Variants in C1orf21 observed in about 807,000 individuals in gnomAD.
The protein encoded by C1orf21 is uncharacterized protein C1orf21.
C1orf21 carries 3 observed loss-of-function variants against 18.7 expected under a neutral mutation model. The ratio of observed to expected loss-of-function variants is 0.16; its 90% CI spans 0.07 to 0.42. The LOEUF (loss-of-function observed/expected upper bound fraction) is 0.42, where lower values mean the gene tolerates loss of function less well. Among genes scored for constraint, C1orf21 ranks in the 10% least tolerant of loss-of-function variants. The pLI is 0.99. For synonymous variants in C1orf21, 41 were observed against 46.4 expected (o/e 0.88, Z 0.47); for missense variants, 104 against 143.6 (o/e 0.72, Z 1.41).
At chr1:184,527,965 A>G (rs780534749) in intron 3 of C1orf21, among the ~76,000 whole-genome samples, 35 of 152,212 alleles carry the variant, frequency 2.3e-4, no homozygotes, top group Non-Finnish European at 4.1e-4. Context: ...TGCTGTTGTC[A>G]CCCCATATTC....
At chr1:184,412,222 A>G (rs1656366216) in intron 1 of C1orf21, 1 of 152,156 alleles carries the variant, frequency 6.6e-6, no homozygotes, top group Admixed American at 6.5e-5. Context: ...TTACCACCCC[A>G]CTGTTAAGGT....
chr1:184,569,395 C>G (rs1659079223), intron 3 of C1orf21, among the ~76,000 whole-genome samples: 1 of 152,166 alleles, frequency 6.6e-6, no homozygotes, highest in Non-Finnish European at 1.5e-5. Flanking sequence ...GGTTGAAAGT[C>G]CTTTTGTATA....
intron 3 of C1orf21, among the ~76,000 whole-genome samples, chr1:184,515,112 T>C (rs1448438920): frequency 6.6e-6 from 1 of 152,230 alleles, no homozygotes; most frequent in African/African-American, 2.4e-5. Context: ...TATAACCTCT[T>C]TGAACACCTC....
chr1:184,610,605 G>C (rs987742797), intron 5 of C1orf21, among the ~76,000 whole-genome samples: 8 of 152,132 alleles, frequency 5.3e-5, no homozygotes, highest in Non-Finnish European at 1.0e-4. Context: ...CCAGCACTTT[G>C]GGAGGCCGAG....
intron 1 of C1orf21, among the ~76,000 whole-genome samples, chr1:184,432,447 C>T: frequency 6.6e-6 from 1 of 152,054 alleles, no homozygotes; most frequent in Non-Finnish European, 1.5e-5. Context: ...CATGTTCTCA[C>T]TCGTAAGTAG....
chr1:184,460,006 CTT>C (rs976175633), intron 1 of C1orf21, among the ~76,000 whole-genome samples: 8 of 152,326 alleles, frequency 5.3e-5, no homozygotes, highest in Non-Finnish European at 1.2e-4. Context: ...CTCTCCAGCT[CTT>C]GTTCTTCAGG....
intron 2 of C1orf21, among the ~76,000 whole-genome samples, chr1:184,501,483 A>G (rs981775277): frequency 4.6e-5 from 7 of 152,026 alleles, no homozygotes; most frequent in South Asian, 4.2e-4. Flanking sequence ...TCTTCTTTCT[A>G]TTCTTATAAC....
In C1orf21 at chr1:184,628,195, G is replaced by A. The variant is rs957699176; in HGVS notation, c.*8639G>A. The A allele has an allele frequency of 4.6e-5, 7 of 152,220 alleles. No individual in the cohort carries two copies. Among genetic ancestry groups the A allele is most frequent in the African/African-American group, 1.7e-4 (7 of 41,446 alleles). The allele number at this position is 152,220 out of a possible 1,614,324, so 9.4% of individuals were successfully genotyped here. The stretch of plus-strand genomic sequence containing the variant: ...GCCTGCACATGAATTCTCCAAAGCA[G>A]TGGGCCCCCATCTGTTTCAATTACA... On this transcript the variant is annotated 3_prime_UTR_variant, in exon 6 of 6. Coordinates refer to ENST00000235307, the MANE Select transcript of C1orf21 (RefSeq NM_030806.4).
At chr1:184,493,366 A>G (rs1421313744) in intron 2 of C1orf21, among the ~76,000 whole-genome samples, 3 of 152,256 alleles carry the variant, frequency 2.0e-5, no homozygotes, top group African/African-American at 7.2e-5. Context: ...GTACATGGCT[A>G]TAAGCATTGA....
intron 1 of C1orf21, among the ~76,000 whole-genome samples, chr1:184,443,072 T>G (rs113849916): frequency 0.039 from 6,012 of 152,278 alleles, 149 homozygotes; most frequent in Middle Eastern, 0.075. Flanking sequence ...GAAGAAAAGG[T>G]GACCAAAGCA....
At chr1:184,472,147 T>G (rs1257439070) in intron 1 of C1orf21, among the ~76,000 whole-genome samples, 1 of 152,008 alleles carries the variant, frequency 6.6e-6, no homozygotes, top group African/African-American at 2.4e-5. Context: ...TATATAGATA[T>G]ATATTTTTTC....
chr1:184,596,648 T>A (rs1659517500), intron 4 of C1orf21, among the ~76,000 whole-genome samples: 1 of 152,072 alleles, frequency 6.6e-6, no homozygotes, highest in Non-Finnish European at 1.5e-5. Flanking sequence ...GGTGAGTGGA[T>A]CACCTGAGGT....
intron 3 of C1orf21, 58 bp from the exon 4 acceptor site, chr1:184,590,681 C>G: frequency 1.3e-6 from 2 of 1,508,060 alleles, no homozygotes; most frequent in Non-Finnish European, 1.8e-6. Flanking sequence ...AACTCATACA[C>G]TTGTTTAATT....
intron 3 of C1orf21, among the ~76,000 whole-genome samples, chr1:184,570,601 A>T (rs1371759772): frequency 6.6e-6 from 1 of 152,224 alleles, no homozygotes; most frequent in African/African-American, 2.4e-5. Context: ...CAATTTAAGA[A>T]AAGGGTGTGC....
At chr1:184,587,351 G>A (rs1659369867) in intron 3 of C1orf21, among the ~76,000 whole-genome samples, 1 of 146,544 alleles carries the variant, frequency 6.8e-6, no homozygotes, top group Non-Finnish European at 1.5e-5. Flanking sequence ...AATAGAAATA[G>A]CATTGAATCT....
intron 1 of C1orf21, among the ~76,000 whole-genome samples, chr1:184,455,134 A>G (rs1467831653): frequency 2.6e-5 from 4 of 152,196 alleles, no homozygotes; most frequent in African/African-American, 9.6e-5. Flanking sequence ...CAGAAATGGT[A>G]TAAGCATACT....
At position 184,484,561 on chromosome 1, in the gene C1orf21, C is replaced by T. The variant is rs530691855; in HGVS notation, c.94+6958C>T. On this transcript the variant is annotated intron_variant, in intron 2 of 5. Coordinates refer to ENST00000235307, the MANE Select transcript of C1orf21 (RefSeq NM_030806.4). ...TGGGCTTGAGAGGACAGAGGGCTCC[C>T]AGATGGCCAAGGAGCTGGAGGCAGA... is the stretch of plus-strand genomic sequence containing the variant. Among the ~76,000 whole-genome samples the T allele has an allele frequency of 2.0e-5, 3 of 152,304 alleles. No homozygotes were observed. In the South Asian group the frequency reaches 6.2e-4, roughly 32 times the overall value.
chr1:184,477,024 C>T (rs759818443), intron 1 of C1orf21, among the ~76,000 whole-genome samples: 22 of 152,160 alleles, frequency 1.4e-4, no homozygotes, highest in Non-Finnish European at 1.2e-4. Flanking sequence ...TCTCCTTCCT[C>T]GACAGTTTTT....
At chr1:184,519,640 T>C (rs957005277) in intron 3 of C1orf21, among the ~76,000 whole-genome samples, 1 of 152,228 alleles carries the variant, frequency 6.6e-6, no homozygotes, top group African/African-American at 2.4e-5. Flanking sequence ...TGCAGGTTGT[T>C]CAGATTTCTC....
Sources: allele counts gnomAD v4.1 joint callset (sites outside exome capture counted in the v4.1 genomes callset), GRCh38; gene constraint gnomAD v4.1.1; transcripts MANE v1.5; gene names NCBI Gene and HGNC (gene_info 2026-07-23, HGNC 2026-07-21).